Variants in NBAS observed in about 807,000 individuals in gnomAD.
NBAS encodes NBAS subunit of NRZ tethering complex.
Under a neutral mutation model 302.5 loss-of-function variants are expected in NBAS, and 219 were observed. The observed-to-expected ratio is 0.72, with a 90% CI of 0.65 to 0.81. NBAS has a LOEUF of 0.81. NBAS is among the 30% of genes least tolerant of loss of function. The pLI, the probability that NBAS is intolerant of heterozygous loss-of-function variation, is 0.00. For synonymous variants in NBAS, 1,118 were observed against 1,021.6 expected (o/e 1.09, Z -1.80); for missense variants, 2,932 against 2,841.6 (o/e 1.03, Z -0.72).
intron 22 of NBAS, among the ~76,000 whole-genome samples, chr2:15,426,946 A>G (rs1677509837): frequency 6.6e-6 from 1 of 152,044 alleles, no homozygotes; most frequent in Admixed American, 6.6e-5. Flanking sequence ...GAACTCTCTA[A>G]ACTTCTACTT....
intron 41 of NBAS, 70 bp downstream of exon 41, chr2:15,292,467 G>T: frequency 2.0e-6 from 3 of 1,490,138 alleles, no homozygotes; most frequent in Non-Finnish European, 1.9e-6. Context: ...GAAATTAATA[G>T]TCCTGGTAAC....
At chr2:15,383,106 AAAT>A (rs1416110209) in intron 29 of NBAS, 106 bp downstream of exon 29, 1 of 901,374 alleles carries the variant, frequency 1.1e-6, no homozygotes, top group African/African-American at 1.7e-5. Context: ...AGCTATTATT[AAAT>A]AATATTACTT....
chr2:14,965,188 T>C, the NBAS span, among the ~76,000 whole-genome samples: 3 of 151,948 alleles, frequency 2.0e-5, no homozygotes, highest in South Asian at 2.1e-4. Flanking sequence ...AAGATCACAA[T>C]GGAAATTGAT....
At chr2:14,919,409 G>T in the NBAS span, among the ~76,000 whole-genome samples, 2 of 152,162 alleles carry the variant, frequency 1.3e-5, no homozygotes, top group African/African-American at 4.8e-5. Context: ...ATCCTGCCTC[G>T]AAGTTGATGG....
At chr2:15,440,624 A>T (rs143311404) in intron 21 of NBAS, among the ~76,000 whole-genome samples, 1,922 of 152,330 alleles carry the variant, frequency 0.013, 31 homozygotes, top group East Asian at 0.059. Context: ...AAAGGAACGC[A>T]GTTCCTCACC....
the NBAS span, among the ~76,000 whole-genome samples, chr2:14,920,199 G>A: frequency 1.3e-5 from 2 of 152,186 alleles, no homozygotes; most frequent in Non-Finnish European, 2.9e-5. Context: ...CTCTATCAGA[G>A]CTCTTGGGTG....
chr2:15,174,452 T>C (rs1306862877), intron 51 of NBAS, among the ~76,000 whole-genome samples: 3 of 152,182 alleles, frequency 2.0e-5, no homozygotes, highest in African/African-American at 7.2e-5. Context: ...TAAAGGGGTA[T>C]AGGTTTCATT....
intron 49 of NBAS, 74 bp downstream of exon 49, chr2:15,190,190 G>T: frequency 6.6e-7 from 1 of 1,523,124 alleles, no homozygotes; most frequent in South Asian, 1.1e-5. Context: ...TGGCTCTTTG[G>T]AAGGTGCTAC....
intron 9 of NBAS, among the ~76,000 whole-genome samples, chr2:15,531,697 C>T (rs952130604): frequency 9.2e-5 from 14 of 152,214 alleles, no homozygotes; most frequent in African/African-American, 3.4e-4. Flanking sequence ...GTCTTCACTG[C>T]TGTTCCTAGA....
chr2:15,133,632 G>A, the NBAS span, among the ~76,000 whole-genome samples: 1 of 152,172 alleles, frequency 6.6e-6, no homozygotes. Flanking sequence ...GACTTCTTAG[G>A]CAATGGGGAA....
the NBAS span, among the ~76,000 whole-genome samples, chr2:14,867,079 T>C: frequency 6.6e-6 from 1 of 152,068 alleles, no homozygotes; most frequent in Non-Finnish European, 1.5e-5. Context: ...CAGAATAAAC[T>C]GTAAGAGCTT....
chr2:15,507,920 G>C (rs1307368526), intron 10 of NBAS, among the ~76,000 whole-genome samples: 1 of 152,196 alleles, frequency 6.6e-6, no homozygotes, highest in East Asian at 1.9e-4. Flanking sequence ...TAGCAGCCTT[G>C]AGAGAGACTA....
intron 28 of NBAS, chr2:15,393,547 T>C: frequency 2.6e-6 from 1 of 383,622 alleles, no homozygotes. Context: ...TGGCAGTTTT[T>C]GAAAGTTAAC....
At chr2:15,384,861 C>A (rs920956665) in intron 28 of NBAS, among the ~76,000 whole-genome samples, 24 of 152,032 alleles carry the variant, frequency 1.6e-4, no homozygotes, top group Non-Finnish European at 3.1e-4. Context: ...TATTTTTTAT[C>A]TTTTACAATG....
At chr2:15,559,149 C>T (rs920399068) in intron 1 of NBAS, among the ~76,000 whole-genome samples, 4 of 150,624 alleles carry the variant, frequency 2.7e-5, no homozygotes, top group Non-Finnish European at 5.9e-5. Flanking sequence ...AGGCACATGT[C>T]AGGACTAACC....
the NBAS span, among the ~76,000 whole-genome samples, chr2:15,098,535 T>C: frequency 2.6e-4 from 32 of 124,972 alleles, no homozygotes; most frequent in African/African-American, 9.4e-4. Flanking sequence ...TTATATATTA[T>C]GTATTGTATA....
chr2:15,212,271 G>A (rs1423236231), intron 48 of NBAS, among the ~76,000 whole-genome samples: 1 of 152,178 alleles, frequency 6.6e-6, no homozygotes, highest in Non-Finnish European at 1.5e-5. Context: ...GCAGAGGCCA[G>A]AGGGCTTCTC....
At chr2:14,785,071 C>A in the NBAS span, among the ~76,000 whole-genome samples, 188 of 152,218 alleles carry the variant, frequency 1.2e-3, 1 homozygote, top group African/African-American at 4.3e-3. Flanking sequence ...ATTTTATTCC[C>A]TTTGAAGCAA....
chr2:15,327,094 T>TA (rs1672105704), intron 38 of NBAS, among the ~76,000 whole-genome samples: 1 of 152,122 alleles, frequency 6.6e-6, no homozygotes, highest in Non-Finnish European at 1.5e-5. Flanking sequence ...AAGCTGTGGA[T>TA]AGGACTTTCA....
Sources: allele counts gnomAD v4.1 joint callset (sites outside exome capture counted in the v4.1 genomes callset), GRCh38; gene constraint gnomAD v4.1.1; transcripts MANE v1.5; gene names NCBI Gene and HGNC (gene_info 2026-07-23, HGNC 2026-07-21).